Variants in DTNA observed in about 807,000 individuals in gnomAD.
DTNA encodes dystrobrevin alpha.
Under a neutral mutation model 100.7 loss-of-function variants are expected in DTNA, and 43 were observed. That is an observed-to-expected ratio of 0.43 (90% CI 0.33 to 0.55). The LOEUF is 0.55. Among genes scored for constraint, DTNA ranks in the 20% least tolerant of loss-of-function variants. DTNA has a pLI of 0.04. For synonymous variants in DTNA, 349 were observed against 347.9 expected, an observed-to-expected ratio of 1.00 and a Z score of -0.04; for missense variants, 798 against 953.9, an observed-to-expected ratio of 0.84 and a Z score of 2.15.
At chr18:34,683,454 G>C (rs1351020250) in intron 1 of DTNA, 1 of 152,012 alleles carries the variant, frequency 6.6e-6, no homozygotes, top group Non-Finnish European at 1.5e-5. Flanking sequence ...TATTTATGTA[G>C]TCATGTTCCT....
chr18:34,874,568 G>C (rs2096796485), intron 17 of DTNA, among the ~76,000 whole-genome samples: 1 of 152,028 alleles, frequency 6.6e-6, no homozygotes, highest in Non-Finnish European at 1.5e-5. Context: ...CTAGAATACT[G>C]CTTTTTCATA....
At chr18:34,884,842 C>A (rs1347522124) in intron 22 of DTNA, 66 bp downstream of exon 22, 9 of 1,524,764 alleles carry the variant, frequency 5.9e-6, no homozygotes, top group Non-Finnish European at 8.2e-6. Context: ...ACCTGTAATG[C>A]GAATTCACAA....
intron 1 of DTNA, among the ~76,000 whole-genome samples, chr18:34,734,083 C>T (rs1000318643): frequency 1.3e-5 from 2 of 151,986 alleles, no homozygotes; most frequent in Non-Finnish European, 2.9e-5. Flanking sequence ...TAGAGCACCT[C>T]CTCATGGGTC....
At chr18:34,883,121 C>G (rs1187948618) in intron 21 of DTNA, among the ~76,000 whole-genome samples, 1 of 152,168 alleles carries the variant, frequency 6.6e-6, no homozygotes, top group Non-Finnish European at 1.5e-5. Context: ...CCATGGAGGT[C>G]GTTCTACTAC....
At chr18:34,503,174 T>C (rs2040112052) in intron 1 of DTNA, among the ~76,000 whole-genome samples, 1 of 152,134 alleles carries the variant, frequency 6.6e-6, no homozygotes, top group Non-Finnish European at 1.5e-5. Context: ...CACTCATTTT[T>C]CTTTTAATGG....
At chr18:34,633,225 A>G (rs1273839522) in intron 1 of DTNA, among the ~76,000 whole-genome samples, 1 of 152,174 alleles carries the variant, frequency 6.6e-6, no homozygotes, top group Non-Finnish European at 1.5e-5. Flanking sequence ...ATACAATGCT[A>G]GAGAGGTCTG....
At chr18:34,746,266 A>G (rs1242527146) in intron 1 of DTNA, among the ~76,000 whole-genome samples, 1 of 151,940 alleles carries the variant, frequency 6.6e-6, no homozygotes, top group African/African-American at 2.4e-5. Context: ...TTTATTTAAT[A>G]TGTAGGAAAA....
At chr18:34,771,296 G>A (rs759541531) in intron 3 of DTNA, among the ~76,000 whole-genome samples, 2 of 151,974 alleles carry the variant, frequency 1.3e-5, no homozygotes, top group Non-Finnish European at 2.9e-5. Context: ...TCAGGAGATC[G>A]AGACCATCCT....
At chr18:34,570,101 G>A (rs1211954049) in intron 1 of DTNA, among the ~76,000 whole-genome samples, 1 of 152,146 alleles carries the variant, frequency 6.6e-6, no homozygotes, top group Non-Finnish European at 1.5e-5. Context: ...CTAGGTGGGA[G>A]TTTGCCTTTT....
chr18:34,695,326 C>T (rs1451172352), intron 1 of DTNA, among the ~76,000 whole-genome samples: 1 of 152,182 alleles, frequency 6.6e-6, no homozygotes, highest in East Asian at 1.9e-4. Flanking sequence ...TAATCCACCT[C>T]CTGAATCCAC....
At chr18:34,655,038 A>G (rs1333679561) in intron 1 of DTNA, among the ~76,000 whole-genome samples, 1 of 152,042 alleles carries the variant, frequency 6.6e-6, no homozygotes, top group East Asian at 1.9e-4. Flanking sequence ...AATTTTTTTA[A>G]TAGGGATAAT....
intron 1 of DTNA, among the ~76,000 whole-genome samples, chr18:34,710,964 C>T (rs1023059780): frequency 2.6e-5 from 4 of 151,946 alleles, no homozygotes; most frequent in Non-Finnish European, 4.4e-5. Flanking sequence ...CATATTATTG[C>T]GAGCCTCATC....
chr18:34,622,228 C>T (rs1407935472), intron 1 of DTNA, among the ~76,000 whole-genome samples: 1 of 152,124 alleles, frequency 6.6e-6, no homozygotes, highest in Non-Finnish European at 1.5e-5. Context: ...TATATCAAAA[C>T]ATCATATTGT....
Position 34,879,633 on chromosome 18 carries a change from T to C in DTNA, c.2076T>C (p.Ser692=). The change falls in exon 20 of 23, where the codon TCT becomes TCC. Residue 692 remains serine (S), a synonymous_variant. Coordinates refer to ENST00000444659, the MANE Select transcript of DTNA (RefSeq NM_001386795.1). The stretch of plus-strand genomic sequence containing the variant: ...AGGATCTTGTTCCCTCACCAACCTC[T>C]GAAAAGGCTTTTCTAGCGCAAATCC... ...QFEDLVPSPT[S]EKAFLAQIHA... 6.2e-7 allele frequency: 1 copy of C among 1,614,146 alleles called. No individual in the cohort carries two copies. The highest frequency in any genetic ancestry group is 8.5e-7 in the Non-Finnish European group (1 of 1,180,010).
chr18:34,535,020 G>A (rs372343821), intron 1 of DTNA, among the ~76,000 whole-genome samples: 81 of 152,252 alleles, frequency 5.3e-4, no homozygotes, highest in African/African-American at 1.3e-3. Context: ...TAATGGGATT[G>A]TTGGGTCAAA....
chr18:34,603,399 TTC>T (rs1035763842), intron 1 of DTNA, among the ~76,000 whole-genome samples: 7 of 151,470 alleles, frequency 4.6e-5, no homozygotes, highest in South Asian at 4.1e-4. Flanking sequence ...TTTATTTTCA[TTC>T]TCTTTTTTTT....
chr18:34,654,249 A>G (rs566339786), intron 1 of DTNA, among the ~76,000 whole-genome samples: 1 of 152,340 alleles, frequency 6.6e-6, no homozygotes, highest in East Asian at 1.9e-4. Flanking sequence ...CCTTGGAAAC[A>G]GCACTTTGCA....
intron 1 of DTNA, among the ~76,000 whole-genome samples, chr18:34,672,967 A>C (rs1324860275): frequency 6.6e-6 from 1 of 151,494 alleles, no homozygotes; most frequent in Non-Finnish European, 1.5e-5. Flanking sequence ...CTTTGATCAA[A>C]ACACACACAC....
chr18:34,710,321 GA>G lies in DTNA; in HGVS notation c.-124del, dbSNP rs2082653302. On this transcript the variant is annotated 5_prime_UTR_variant, in exon 1 of 23. Transcript: ENST00000444659. ...GGAAGAATGAACACAGCTTTTTATT[GA>G]AGTTAAAGGTTACTTTGGAGTTTGT... is the stretch of plus-strand genomic sequence containing the variant. The G allele has an allele frequency of 6.6e-6, 1 of 152,162 alleles. No individual in the cohort carries two copies. Among genetic ancestry groups the G allele is most frequent in the Non-Finnish European group, 1.5e-5 (1 of 68,040 alleles). The allele number at this position is 152,162 out of a possible 1,614,324, so 9.4% of individuals were successfully genotyped here. A position where few individuals can be genotyped will look rare whatever the true frequency, so the allele number is the denominator to read the frequency against.
Sources: gnomAD v4.1 joint callset for allele counts (sites outside exome capture counted in the v4.1 genomes callset) on GRCh38, gnomAD v4.1.1 for gene constraint, MANE v1.5 for transcripts, NCBI Gene and HGNC (gene_info 2026-07-23, HGNC 2026-07-21) for gene names.